The following DMRTC2 variants were observed in gnomAD, a reference collection of about 807,000 sequenced individuals.
DMRTC2 encodes the protein doublesex- and mab-3-related transcription factor C2.
In DMRTC2, 13 loss-of-function variants were observed where a neutral mutation model predicts 39.9. The observed-to-expected ratio is 0.33, with a 90% CI of 0.21 to 0.52. The LOEUF (loss-of-function observed/expected upper bound fraction) is 0.52. Among genes scored for constraint, DMRTC2 ranks in the 20% least tolerant of loss-of-function variants. DMRTC2 has a pLI of 0.96. For missense variants in DMRTC2, 431 were observed against 472.8 expected, an observed-to-expected ratio of 0.91 and a Z score of 0.82; for synonymous variants, 189 against 185.2, an observed-to-expected ratio of 1.02 and a Z score of -0.17.
rs189285681 is a variant in DMRTC2, at chr19:41,849,082, A to T, written c.629-48A>T. ...ATAGGTGGGGAGAGGGAGGAAAGAA[A>T]CTATGACCTTGGCCCCTATACACTC... On this transcript the variant is annotated intron_variant, in intron 5 of 8. Transcript: ENST00000269945. 3.3e-4 allele frequency: 535 copies of T among 1,612,584 alleles called. 1 individual carries two copies. The Middle Eastern group carries it at 5.1e-3, about 15-fold the overall frequency.
rs554112253 is a variant in DMRTC2, at chr19:41,847,482, C to T, written c.54C>T (p.Pro18=). The part of the protein sequence containing the change: ...AGYHCPLDSA[P]WDETRDPQST... ...ACCACTGCCCCTTAGACTCTGCCCCCTGGGATGAGACCAGAGACCCCCAGA... is the reference window on the plus strand; with the variant it reads ...ACCACTGCCCCTTAGACTCTGCCCCTTGGGATGAGACCAGAGACCCCCAGA... The change falls in exon 2 of 9, where the codon CCC becomes CCT. Residue 18 remains proline (P), a synonymous_variant. Coordinates refer to ENST00000269945, the MANE Select transcript of DMRTC2 (RefSeq NM_001040283.3). The T allele has an allele frequency of 2.5e-6, 4 of 1,611,018 alleles. No individual in the cohort carries two copies. The highest frequency in any genetic ancestry group is 1.1e-5 in the South Asian group (1 of 90,840).
At chr19:41,846,567 A>G (rs545515923) in intron 1 of DMRTC2, among the ~76,000 whole-genome samples, 266 of 151,336 alleles carry the variant, frequency 1.8e-3, no homozygotes, top group Admixed American at 6.5e-3. Context: ...AAAAACAATT[A>G]AAAAAAAATT....
chr19:41,849,234 G>A lies in DMRTC2; in HGVS notation c.733G>A (p.Gly245Arg), dbSNP rs781933990. The change falls in exon 6 of 9, where the codon GGG (glycine) becomes AGG (arginine). Residue 245 changes from glycine (G) to arginine (R), a missense_variant. By Grantham distance (125) the Gly-to-Arg change is moderately radical. Coordinates refer to ENST00000269945, the MANE Select transcript of DMRTC2 (RefSeq NM_001040283.3). Reference sequence around the variant, plus strand: ...AGCTCCTCTTTCTGGAGAGCCCCAAGGGCCCCCTAGCCAGCCCCGCACGTG... The same window carrying A: ...AGCTCCTCTTTCTGGAGAGCCCCAAAGGCCCCCTAGCCAGCCCCGCACGTG... The part of the protein sequence containing the change: ...LTAPLSGEPQ[G>R]PPSQPRTHST... 8 of 1,614,032 alleles carry A rather than the reference G, an allele frequency of 5.0e-6. No homozygotes were observed. The South Asian group carries it at 8.8e-5, about 18-fold the overall frequency.
chr19:41,846,891 G>T (rs1265091131), intron 1 of DMRTC2, among the ~76,000 whole-genome samples: 1 of 151,648 alleles, frequency 6.6e-6, no homozygotes, highest in African/African-American at 2.4e-5. Flanking sequence ...TTAAAAAAAG[G>T]GGGGACGGGT....
At chr19:41,851,514 G>A in intron 8 of DMRTC2, 70 bp from the exon 9 acceptor site, 1 of 1,324,808 alleles carries the variant, frequency 7.5e-7, no homozygotes, top group African/African-American at 1.5e-5. Context: ...ATTGGATTCG[G>A]TAAAAAGAGG....
intron 1 of DMRTC2, among the ~76,000 whole-genome samples, chr19:41,845,750 C>T (rs1453592330): frequency 3.3e-5 from 5 of 152,096 alleles, no homozygotes; most frequent in Non-Finnish European, 5.9e-5. Context: ...TTGCTTGAAC[C>T]CAGGAGGCGG....
chr19:41,848,887 C>G lies in DMRTC2; in HGVS notation c.540C>G (p.His180Gln), dbSNP rs374220011. The G allele has an allele frequency of 1.4e-5, 22 of 1,613,330 alleles. No individual in the cohort carries two copies. The African/African-American group carries it at 2.8e-4, about 21-fold the overall frequency. The change falls in exon 5 of 9, where the codon CAC (histidine) becomes CAG (glutamine). Residue 180 changes from histidine (H) to glutamine (Q), a missense_variant. By Grantham distance (24) the His-to-Gln change is conservative. Transcript: ENST00000269945. Reference protein sequence around the residue: ...PVPPGPWVPGHWLPPGFSMPP... With the variant: ...PVPPGPWVPGQWLPPGFSMPP... Reference sequence around the variant, plus strand: ...CTCCTGGCCCTTGGGTCCCTGGACACTGGCTGCCTCCAGGCTTCTCCATGC... The same window carrying G: ...CTCCTGGCCCTTGGGTCCCTGGACAGTGGCTGCCTCCAGGCTTCTCCATGC...
rs373577927 is a variant in DMRTC2 at position 41,847,638 on chromosome 19, A to G, written c.210A>G (p.Lys70=). 4.3e-6 allele frequency: 7 copies of G among 1,614,040 alleles called. No homozygotes were observed. In the East Asian group the frequency reaches 1.1e-4, roughly 26 times the overall value. The part of the protein sequence containing the change: ...LCLFQACECH[K]CVLILERRRV... The stretch of plus-strand genomic sequence containing the variant: ...TCTTCCAGGCTTGCGAGTGTCACAA[A>G]TGTGTCCTCATCCTGTGAGTATGAG... The change falls in exon 2 of 9, where the codon AAA becomes AAG. Residue 70 remains lysine (K), a synonymous_variant. Transcript: ENST00000269945.
chr19:41,849,078 A>G (rs1055427732), intron 5 of DMRTC2, 52 bp from the exon 6 acceptor site: 2 of 1,612,126 alleles, frequency 1.2e-6, no homozygotes, highest in Non-Finnish European at 1.7e-6. Flanking sequence ...GAGGGAGGAA[A>G]GAAACTATGA....
At chr19:41,850,843 T>A in intron 8 of DMRTC2, 143 bp downstream of exon 8, 1 of 816,212 alleles carries the variant, frequency 1.2e-6, no homozygotes, top group Non-Finnish European at 1.8e-6. Flanking sequence ...GCCTGGCCCC[T>A]GGGATTGCAG....
chr19:41,847,253 A>C, intron 1 of DMRTC2, 172 bp from the exon 2 acceptor site: 1 of 984,842 alleles, frequency 1.0e-6, no homozygotes, highest in East Asian at 1.1e-4. Context: ...AAGAAGGAAG[A>C]TACCTGAGAA....
At chr19:41,848,769 CCAG>C (rs1438281213) in intron 4 of DMRTC2, 23 bp from the exon 5 acceptor site, 1 of 1,606,602 alleles carries the variant, frequency 6.2e-7, no homozygotes, top group East Asian at 2.2e-5. Context: ...GTACCCAACT[CCAG>C]CCTGTGCCCT....
intron 1 of DMRTC2, chr19:41,847,156 G>A: frequency 1.3e-6 from 1 of 768,916 alleles, no homozygotes; most frequent in Non-Finnish European, 1.6e-6. Flanking sequence ...CTGCACTCCA[G>A]CCTGGGAGAC....
chr19:41,851,240 T>C (rs1458929831), intron 8 of DMRTC2: 6 of 269,098 alleles, frequency 2.2e-5, no homozygotes, highest in Non-Finnish European at 4.2e-5. Flanking sequence ...CTGGAGGAAA[T>C]GCTAGAACAG....
Position 41,849,234 on chromosome 19 carries a change from G to C in DMRTC2, c.733G>C (p.Gly245Arg). ...LTAPLSGEPQ[G>R]PPSQPRTHST... Reference sequence around the variant, plus strand: ...AGCTCCTCTTTCTGGAGAGCCCCAAGGGCCCCCTAGCCAGCCCCGCACGTG... The same window carrying C: ...AGCTCCTCTTTCTGGAGAGCCCCAACGGCCCCCTAGCCAGCCCCGCACGTG... Residue 245 changes from glycine to arginine, a missense_variant, in exon 6 of 9, where the codon GGG becomes CGG. Gly to Arg is a moderately radical substitution (Grantham distance 125, BLOSUM62 -2). Coordinates refer to ENST00000269945, the MANE Select transcript of DMRTC2 (RefSeq NM_001040283.3). 5 of 1,614,032 alleles carry C rather than the reference G, an allele frequency of 3.1e-6. No individual in the cohort carries two copies. Among genetic ancestry groups the C allele is most frequent in the Non-Finnish European group, 3.4e-6 (4 of 1,179,954 alleles).
intron 8 of DMRTC2, 66 bp downstream of exon 8, chr19:41,850,766 G>A (rs1193702159): frequency 2.0e-5 from 29 of 1,470,650 alleles, no homozygotes; most frequent in African/African-American, 5.8e-5. Flanking sequence ...AGTACACAGG[G>A]ACTAACCAAG....
At position 41,851,836 on chromosome 19, in the gene DMRTC2, T is replaced by G; in HGVS notation, c.*140T>G. On this transcript the variant is annotated 3_prime_UTR_variant, in exon 9 of 9. Transcript: ENST00000269945. ...CGGGCTTTTTTGTTTGTTTGTTTGTTTGTTTGTTTAAGCTTTCAGGTGCTT... is the reference window on the plus strand; with the variant it reads ...CGGGCTTTTTTGTTTGTTTGTTTGTGTGTTTGTTTAAGCTTTCAGGTGCTT... The G allele has an allele frequency of 1.3e-6, 1 of 754,518 alleles. No individual in the cohort carries two copies. The highest frequency in any genetic ancestry group is 2.1e-6 in the Non-Finnish European group (1 of 471,040). 46.7% of individuals were successfully genotyped at this position (754,518 alleles called of 1,614,324 possible).
chr19:41,846,452 G>T (rs889399952), intron 1 of DMRTC2, among the ~76,000 whole-genome samples: 6 of 151,978 alleles, frequency 3.9e-5, no homozygotes, highest in Non-Finnish European at 2.9e-5. Context: ...TCATGCCTCT[G>T]ATCCTAGCAC....
At chr19:41,849,289 C>G in intron 6 of DMRTC2, 33 bp downstream of exon 6, 1 of 1,610,744 alleles carries the variant, frequency 6.2e-7, no homozygotes, top group African/African-American at 1.3e-5. Flanking sequence ...GTATCATAAG[C>G]CTAAGCCTGT....
Sources: allele counts gnomAD v4.1 joint callset (sites outside exome capture counted in the v4.1 genomes callset), GRCh38; gene constraint gnomAD v4.1.1; transcripts MANE v1.5; gene names NCBI Gene and HGNC (gene_info 2026-07-23, HGNC 2026-07-21).